Variants in EVI5 observed in about 807,000 individuals in gnomAD.
EVI5 encodes ecotropic viral integration site 5, also known as ecotropic viral integration site 5 protein homolog.
Under a neutral mutation model 112.0 loss-of-function variants are expected in EVI5, and 73 were observed. The observed-to-expected ratio is 0.65, with a 90% CI of 0.54 to 0.79. The LOEUF is 0.79. EVI5 is among the 30% of genes least tolerant of loss of function. EVI5 has a pLI of 0.00. For missense variants in EVI5, 900 were observed against 968.8 expected (o/e 0.93, Z 0.94); for synonymous variants, 305 against 319.9 (o/e 0.95, Z 0.50).
At chr1:92,591,821 ACAC>A (rs1283012485) in intron 18 of EVI5, among the ~76,000 whole-genome samples, 1 of 152,184 alleles carries the variant, frequency 6.6e-6, no homozygotes, top group African/African-American at 2.4e-5. Context: ...TTTCAGCACC[ACAC>A]CACACCTATT....
chr1:92,639,498 T>C (rs553580814), intron 13 of EVI5, among the ~76,000 whole-genome samples: 12 of 152,186 alleles, frequency 7.9e-5, no homozygotes, highest in South Asian at 2.1e-4. Flanking sequence ...TGAAAAAAAA[T>C]TGAAATTAGA....
At chr1:92,731,657 T>TACAC (rs1315156542) in intron 2 of EVI5, among the ~76,000 whole-genome samples, 2 of 152,130 alleles carry the variant, frequency 1.3e-5, no homozygotes, top group Admixed American at 1.3e-4. Context: ...AGTATAAGCC[T>TACAC]ACAATAATCA....
intron 19 of EVI5, among the ~76,000 whole-genome samples, chr1:92,530,413 T>TC (rs993074540): frequency 7.2e-5 from 11 of 152,084 alleles, no homozygotes; most frequent in Admixed American, 5.2e-4. Flanking sequence ...GCAGCGGATC[T>TC]CCCAACACAG....
chr1:92,729,599 G>C (rs1213158032), intron 2 of EVI5, among the ~76,000 whole-genome samples: 1 of 152,130 alleles, frequency 6.6e-6, no homozygotes, highest in Non-Finnish European at 1.5e-5. Context: ...AAATGTGTGG[G>C]TGGTGACGTC....
intron 13 of EVI5, among the ~76,000 whole-genome samples, chr1:92,637,387 A>G (rs1008104434): frequency 6.6e-6 from 1 of 152,058 alleles, no homozygotes; most frequent in African/African-American, 2.4e-5. Flanking sequence ...TCAAGAAAAA[A>G]AAAAAAAAAA....
intron 18 of EVI5, among the ~76,000 whole-genome samples, chr1:92,575,218 G>A (rs1312288819): frequency 2.6e-5 from 4 of 152,088 alleles, no homozygotes; most frequent in South Asian, 2.1e-4. Flanking sequence ...ATTTTGCTAC[G>A]TGGGCTTTCG....
chr1:92,724,190 C>T (rs541841769), intron 2 of EVI5, among the ~76,000 whole-genome samples: 2 of 152,116 alleles, frequency 1.3e-5, no homozygotes, highest in East Asian at 1.9e-4. Flanking sequence ...CTAATAAAAA[C>T]TTGCTGGTTT....
At chr1:92,707,530 T>C (rs1354301429) in intron 2 of EVI5, among the ~76,000 whole-genome samples, 2 of 152,122 alleles carry the variant, frequency 1.3e-5, no homozygotes, top group African/African-American at 4.8e-5. Flanking sequence ...AACAAGATAA[T>C]CAAATGGTCA....
At chr1:92,532,339 G>C (rs572420962) in intron 19 of EVI5, among the ~76,000 whole-genome samples, 11 of 152,182 alleles carry the variant, frequency 7.2e-5, no homozygotes, top group Admixed American at 4.6e-4. Context: ...AATAGTGGGG[G>C]AATTTAACAC....
chr1:92,525,234 G>GAGTCAGTTC (rs1441599862), intron 19 of EVI5, among the ~76,000 whole-genome samples: 1 of 149,694 alleles, frequency 6.7e-6, no homozygotes, highest in African/African-American at 2.5e-5. Flanking sequence ...AATAAGATAT[G>GAGTCAGTTC]AGTCAGTTCA....
chr1:92,742,946 A>T (rs1043178069), intron 1 of EVI5, among the ~76,000 whole-genome samples: 3 of 152,260 alleles, frequency 2.0e-5, no homozygotes, highest in African/African-American at 7.2e-5. Flanking sequence ...ACCCATATTC[A>T]TAGCAGCATT....
chr1:92,649,413 C>T (rs1415063069), intron 13 of EVI5, among the ~76,000 whole-genome samples: 1 of 152,146 alleles, frequency 6.6e-6, no homozygotes, highest in Admixed American at 6.5e-5. Context: ...CCTTTGGTGC[C>T]TAAGAACCAA....
chr1:92,552,006 T>G (rs1571485673), intron 19 of EVI5, among the ~76,000 whole-genome samples: 1 of 152,116 alleles, frequency 6.6e-6, no homozygotes, highest in South Asian at 2.1e-4. Context: ...AGTTTTTCAG[T>G]TTTTTGGCTA....
At chr1:92,632,757 T>C (rs1657492079) in intron 14 of EVI5, among the ~76,000 whole-genome samples, 1 of 152,164 alleles carries the variant, frequency 6.6e-6, no homozygotes, top group Non-Finnish European at 1.5e-5. Flanking sequence ...TTCTTTTAAT[T>C]GTGATGTTAG....
chr1:92,592,408 C>T lies in EVI5; in HGVS notation c.2070+12899G>A, dbSNP rs568843440. Among the ~76,000 whole-genome samples the T allele has an allele frequency of 1.1e-4, 17 of 152,330 alleles. 1 individual carries two copies. The South Asian group carries it at 3.3e-3, about 30-fold the overall frequency. Reference sequence around the variant, plus strand: ...ATACAACATACCAGAATCTCTGGGACACATTCCAAGCAGTGTGTAGAGGGA... The same window carrying T: ...ATACAACATACCAGAATCTCTGGGATACATTCCAAGCAGTGTGTAGAGGGA... On this transcript the variant is annotated intron_variant, in intron 18 of 19. Coordinates refer to ENST00000684568, the MANE Select transcript of EVI5 (RefSeq NM_001350197.2).
rs759835116 is a variant in EVI5 at position 92,695,360 on chromosome 1, T to C, written c.859A>G (p.Thr287Ala). Residue 287 changes from threonine (T) to alanine (A), a missense_variant, in exon 7 of 20, where the codon ACT (threonine) becomes GCT (alanine). By Grantham distance (58) the Thr-to-Ala change is moderately conservative. Transcript: ENST00000684568. Reference protein sequence around the residue: ...SSWFLTIFLTTFPLPIATRIF... With the variant: ...SSWFLTIFLTAFPLPIATRIF... Reference sequence around the variant, plus strand: ...CTTGTTGCAATTGGTAGTGGAAAAGTTGTAAGAAAGATAGTCAGAAACCAG... The same window carrying C: ...CTTGTTGCAATTGGTAGTGGAAAAGCTGTAAGAAAGATAGTCAGAAACCAG... 10 of 1,610,314 alleles carry C rather than the reference T, an allele frequency of 6.2e-6. No individual in the cohort carries two copies. The highest frequency in any genetic ancestry group is 2.2e-5 in the South Asian group (2 of 90,864).
At position 92,743,099 on chromosome 1, in the gene EVI5, T is replaced by C. The variant is rs566867686; in HGVS notation, c.-81-6472A>G. Among the ~76,000 whole-genome samples, 23 of 152,340 alleles carry C rather than the reference T, an allele frequency of 1.5e-4. 1 individual carries two copies. The East Asian group carries it at 3.9e-3, about 26-fold the overall frequency. ...CAAGCGTGATGGCTCACGCCTGTAA[T>C]CCCAGCACTTTGGGAGGCTGAGGTG... On this transcript the variant is annotated intron_variant, in intron 1 of 19. Coordinates refer to ENST00000684568, the MANE Select transcript of EVI5 (RefSeq NM_001350197.2).
At chr1:92,630,007 T>G (rs995851105) in intron 14 of EVI5, among the ~76,000 whole-genome samples, 9 of 152,194 alleles carry the variant, frequency 5.9e-5, no homozygotes, top group African/African-American at 1.7e-4. Context: ...TCATCCTTTT[T>G]AATGGCTGCA....
intron 1 of EVI5, chr1:92,756,243 C>A: frequency 2.3e-6 from 1 of 429,020 alleles, no homozygotes; most frequent in Admixed American, 2.8e-5. Flanking sequence ...CGCCTTCCAA[C>A]AGCTGCCCAT....
Sources: allele counts gnomAD v4.1 joint callset (sites outside exome capture counted in the v4.1 genomes callset), GRCh38; gene constraint gnomAD v4.1.1; transcripts MANE v1.5; gene names NCBI Gene and HGNC (gene_info 2026-07-23, HGNC 2026-07-21).